CD72: variants seen among roughly 807,000 people sequenced by gnomAD.
CD72 encodes the protein CD72 molecule, also known as B-cell differentiation antigen CD72.
Under a neutral mutation model 50.7 loss-of-function variants are expected in CD72, and 28 were observed. The observed-to-expected ratio is 0.55, with a 90% CI of 0.41 to 0.76. The LOEUF (loss-of-function observed/expected upper bound fraction) is 0.76, where lower values mean the gene tolerates loss of function less well. CD72 is among the 30% of genes least tolerant of loss of function. CD72 has a pLI of 0.00. For synonymous variants in CD72, 176 were observed against 171.2 expected (o/e 1.03, Z -0.22); for missense variants, 403 against 420.6 (o/e 0.96, Z 0.37).
At chr9:35,611,245 C>G (rs1822979084) in intron 7 of CD72, among the ~76,000 whole-genome samples, 2 of 144,734 alleles carry the variant, frequency 1.4e-5, no homozygotes, top group African/African-American at 5.1e-5. Context: ...AGCGAGACTC[C>G]ATCTCAAAAA....
chr9:35,627,819 GT>G, intron 1 of CD72, among the ~76,000 whole-genome samples: 1 of 152,066 alleles, frequency 6.6e-6, no homozygotes, highest in Middle Eastern at 3.4e-3. Context: ...CCTATGATAA[GT>G]TTTTGTACCT....
rs762460220 is a variant in CD72, at chr9:35,610,620, T to A, written c.*4A>T. ...CTCTTACCAACTCAGTGCAAAGGAC[T>A]GTCCTAATCTGGAAACCTGAAAGCT... is the stretch of plus-strand genomic sequence containing the variant. On this transcript the variant is annotated 3_prime_UTR_variant, in exon 8 of 9. Coordinates refer to ENST00000259633, the MANE Select transcript of CD72 (RefSeq NM_001782.3). The A allele has an allele frequency of 6.2e-7, 1 of 1,613,576 alleles. No homozygotes were observed. The highest frequency in any genetic ancestry group is 1.7e-5 in the Admixed American group (1 of 59,988).
chr9:35,646,843 C>T (rs912830179), upstream of CD72: 2 of 152,184 alleles, frequency 1.3e-5, no homozygotes, highest in Non-Finnish European at 2.9e-5. Flanking sequence ...GGGGTGGCCC[C>T]GAAGCGTCGA....
chr9:35,624,948 G>A (rs1331605146), intron 1 of CD72, among the ~76,000 whole-genome samples: 1 of 152,110 alleles, frequency 6.6e-6, no homozygotes, highest in Admixed American at 6.6e-5. Context: ...TCCACTGACT[G>A]GCTATTCCCT....
At position 35,616,088 on chromosome 9, in the gene CD72, G is replaced by A. The variant is rs148436772; in HGVS notation, c.543C>T (p.Ala181=). 16 of 1,613,912 alleles carry A rather than the reference G, an allele frequency of 9.9e-6. No individual in the cohort carries two copies. Among genetic ancestry groups the A allele is most frequent in the East Asian group, 6.7e-5 (3 of 44,880 alleles). ...CCTGGCAGGCCTGTAGCTGCCCTTC[G>A]GCCGCCTGATGAGCCCTCTGTTCCA... ...LQVEQRAHQA[A]EGQLQACQAD... is the part of the protein sequence containing the mutation. The change falls in exon 5 of 9, where the codon GCC becomes GCT. Residue 181 remains alanine (A), a synonymous_variant. Coordinates refer to ENST00000259633, the MANE Select transcript of CD72 (RefSeq NM_001782.3).
At chr9:35,644,901 CAAA>C (rs527855881) in intron 1 of CD72, among the ~76,000 whole-genome samples, 48 of 106,934 alleles carry the variant, frequency 4.5e-4, no homozygotes, top group Middle Eastern at 5.5e-3. Flanking sequence ...TGACTGAAGC[CAAA>C]AAAAAAAAAA....
Position 35,618,129 on chromosome 9 carries a change from G to T in CD72, c.83-8C>A, listed in dbSNP as rs1252426553. ...CATCATCAGCCCCTGGGTCTAGAGA[G>T]AAGAGAAAAGGGACCAAGGTGGGAT... On this transcript the variant is annotated splice_region_variant and splice_polypyrimidine_tract_variant and intron_variant, in intron 1 of 8. Coordinates refer to ENST00000259633, the MANE Select transcript of CD72 (RefSeq NM_001782.3). The T allele has an allele frequency of 1.2e-6, 2 of 1,611,466 alleles. No individual in the cohort carries two copies. The highest frequency in any genetic ancestry group is 3.3e-5 in the Admixed American group (2 of 60,022).
At chr9:35,642,691 A>G (rs943649131) in intron 1 of CD72, 6 of 152,202 alleles carry the variant, frequency 3.9e-5, no homozygotes, top group Admixed American at 6.5e-5. Context: ...TCAGGTGTCC[A>G]TCTTACTAAA....
In CD72 at chr9:35,616,276, G is replaced by A. The variant is rs1490378715; in HGVS notation, c.355C>T (p.Leu119=). 1 of 1,611,186 alleles carries A rather than the reference G, an allele frequency of 6.2e-7. No individual in the cohort carries two copies. Among genetic ancestry groups the A allele is most frequent in the East Asian group, 2.2e-5 (1 of 44,826 alleles). The change falls in exon 5 of 9, where the codon CTG becomes TTG. Residue 119 remains leucine, a splice_region_variant and synonymous_variant. Transcript: ENST00000259633. Reference sequence around the variant, plus strand: ...TGCTGGAGCTGCTGAGACACCTGCAGATCTGTTTGGCCACAGAGATTTGGT... The same window carrying A: ...TGCTGGAGCTGCTGAGACACCTGCAAATCTGTTTGGCCACAGAGATTTGGT... ...VTAICLGVRY[L]QVSQQLQQTN...
At chr9:35,611,595 G>A (rs1249204753) in intron 7 of CD72, among the ~76,000 whole-genome samples, 1 of 152,186 alleles carries the variant, frequency 6.6e-6, no homozygotes, top group African/African-American at 2.4e-5. Context: ...AAAAAAGTAT[G>A]TGCCAGGGAC....
intron 1 of CD72, among the ~76,000 whole-genome samples, chr9:35,638,321 T>G (rs1261673389): frequency 5.3e-5 from 8 of 151,958 alleles, no homozygotes; most frequent in Non-Finnish European, 7.4e-5. Flanking sequence ...CTCCCCAGAC[T>G]GCTCCTCCTC....
At chr9:35,611,077 C>T (rs779998920) in intron 7 of CD72, among the ~76,000 whole-genome samples, 7 of 152,170 alleles carry the variant, frequency 4.6e-5, no homozygotes, top group Non-Finnish European at 1.0e-4. Flanking sequence ...CGGTGAAACC[C>T]CGTCTCTACT....
chr9:35,629,577 G>A (rs1823224524), intron 1 of CD72, among the ~76,000 whole-genome samples: 1 of 152,208 alleles, frequency 6.6e-6, no homozygotes, highest in South Asian at 2.1e-4. Flanking sequence ...TCTCTGAAAG[G>A]TGTTGTCTTT....
At chr9:35,632,278 C>A (rs1483743597) in intron 1 of CD72, among the ~76,000 whole-genome samples, 1 of 149,630 alleles carries the variant, frequency 6.7e-6, no homozygotes, top group Non-Finnish European at 1.5e-5. Flanking sequence ...TCCGGGTTCA[C>A]GCCATTCTGC....
chr9:35,641,089 A>G (rs1218420133), intron 1 of CD72, among the ~76,000 whole-genome samples: 1 of 152,164 alleles, frequency 6.6e-6, no homozygotes, highest in African/African-American at 2.4e-5. Context: ...TCTCAACAGG[A>G]AAACCCAAGT....
chr9:35,624,363 T>A (rs1219923750), upstream of CD72, among the ~76,000 whole-genome samples: 1 of 151,980 alleles, frequency 6.6e-6, no homozygotes, highest in African/African-American at 2.4e-5. Flanking sequence ...GATGAGTTTA[T>A]CAAATGCCAA....
At chr9:35,623,245 A>G (rs1351176361), upstream of CD72, among the ~76,000 whole-genome samples, 1 of 152,264 alleles carries the variant, frequency 6.6e-6, no homozygotes, top group East Asian at 1.9e-4. Flanking sequence ...TTTATGTAAC[A>G]AAGTTTGAGG....
At chr9:35,629,718 C>T (rs1823225954) in intron 1 of CD72, among the ~76,000 whole-genome samples, 1 of 152,228 alleles carries the variant, frequency 6.6e-6, no homozygotes, top group Non-Finnish European at 1.5e-5. Context: ...CTCTGCCCGC[C>T]TCCACCTTTG....
Position 35,611,872 on chromosome 9 carries a change from C to T in CD72, c.882G>A (p.Gly294=). The change falls in exon 7 of 9, where the codon GGG becomes GGA. Residue 294 remains glycine, a synonymous_variant. Transcript: ENST00000259633. ...LNSLLPNGGS[G]NSYWTGLSSN... ...AGCTGAGGCCAGTCCAATATGAATT[C>T]CCTGAACCACCATTTGGCAACAGTG... is the stretch of plus-strand genomic sequence containing the variant. The T allele has an allele frequency of 1.3e-5, 21 of 1,612,504 alleles. No homozygotes were observed. Among genetic ancestry groups the T allele is most frequent in the Non-Finnish European group, 1.8e-5 (21 of 1,178,532 alleles).
Sources: gnomAD v4.1 joint callset for allele counts (sites outside exome capture counted in the v4.1 genomes callset) on GRCh38, gnomAD v4.1.1 for gene constraint, MANE v1.5 for transcripts, NCBI Gene and HGNC (gene_info 2026-07-23, HGNC 2026-07-21) for gene names.